The following TRAPPC9 variants were observed in gnomAD, a reference collection of about 807,000 sequenced individuals.
TRAPPC9 encodes the protein trafficking protein particle complex subunit 9.
Under a neutral mutation model 124.0 loss-of-function variants are expected in TRAPPC9, and 83 were observed. The observed-to-expected ratio is 0.67, with a 90% CI of 0.56 to 0.80. TRAPPC9 has a LOEUF of 0.80. Among genes scored for constraint, TRAPPC9 ranks in the 30% least tolerant of loss-of-function variants. The pLI, the probability that TRAPPC9 is intolerant of heterozygous loss-of-function variation, is 0.00. For missense variants in TRAPPC9, 1,302 were observed against 1,508.3 expected (o/e 0.86, Z 2.27); for synonymous variants, 638 against 617.5 (o/e 1.03, Z -0.49).
At chr8:140,358,094 T>A (rs1395913888) in intron 9 of TRAPPC9, among the ~76,000 whole-genome samples, 2 of 152,152 alleles carry the variant, frequency 1.3e-5, no homozygotes, top group African/African-American at 4.8e-5. Flanking sequence ...CTCTTAGAGA[T>A]GGCCGTGGAA....
intron 8 of TRAPPC9, among the ~76,000 whole-genome samples, chr8:140,369,166 G>A (rs371851315): frequency 2.0e-5 from 3 of 152,160 alleles, no homozygotes; most frequent in Non-Finnish European, 2.9e-5. Context: ...CCTGAGAATC[G>A]GATTTGAGGT....
At chr8:140,025,253 C>A (rs1321503647) in intron 17 of TRAPPC9, among the ~76,000 whole-genome samples, 1 of 152,186 alleles carries the variant, frequency 6.6e-6, no homozygotes, top group Non-Finnish European at 1.5e-5. Flanking sequence ...TCCCCAGGAC[C>A]CTCCGGAAGC....
intron 6 of TRAPPC9, among the ~76,000 whole-genome samples, chr8:140,399,430 A>G (rs2069191673): frequency 1.3e-5 from 2 of 152,216 alleles, no homozygotes; most frequent in Non-Finnish European, 2.9e-5. Context: ...GCAAAGCCAC[A>G]GGGGCAGGGT....
intron 18 of TRAPPC9, among the ~76,000 whole-genome samples, chr8:140,005,094 CT>C (rs1838659602): frequency 6.6e-6 from 1 of 152,188 alleles, no homozygotes; most frequent in South Asian, 2.1e-4. Flanking sequence ...GGGTTTTCTG[CT>C]GATGTAACCT....
At position 140,047,338 on chromosome 8, in the gene TRAPPC9, G is replaced by A. The variant is rs200599012; in HGVS notation, c.2557-23259C>T. Among the ~76,000 whole-genome samples the A allele has an allele frequency of 6.6e-5, 10 of 152,206 alleles. No homozygotes were observed. In the East Asian group the frequency reaches 7.7e-4, roughly 12 times the overall value. On this transcript the variant is annotated intron_variant, in intron 17 of 22. Coordinates refer to ENST00000438773, the MANE Select transcript of TRAPPC9 (RefSeq NM_001160372.4). ...GTGCACGGGGGACAGCTCGCATTTC[G>A]GTATGCTAAGAATAGTCCGGGTTGC...
chr8:140,458,004 G>A (rs1172385180), upstream of TRAPPC9, among the ~76,000 whole-genome samples: 1 of 131,340 alleles, frequency 7.6e-6, no homozygotes, highest in Non-Finnish European at 1.7e-5. Context: ...GGACGGGGAG[G>A]GAGGAGGAGG....
intron 16 of TRAPPC9, among the ~76,000 whole-genome samples, chr8:140,246,283 T>C (rs749945612): frequency 2.6e-4 from 39 of 152,216 alleles, no homozygotes; most frequent in African/African-American, 8.4e-4. Flanking sequence ...ATCACCTTCC[T>C]GCTCTGTTTC....
chr8:139,768,132 A>G (rs543343653), intron 21 of TRAPPC9, among the ~76,000 whole-genome samples: 1 of 152,384 alleles, frequency 6.6e-6, no homozygotes, highest in South Asian at 2.1e-4. Flanking sequence ...TTTCTGGAAC[A>G]TTTGCATAAA....
At chr8:140,142,913 G>T (rs1391818796) in intron 17 of TRAPPC9, among the ~76,000 whole-genome samples, 1 of 152,156 alleles carries the variant, frequency 6.6e-6, no homozygotes, top group Non-Finnish European at 1.5e-5. Context: ...TGTCCAACTT[G>T]TGAGTTTTCT....
intron 21 of TRAPPC9, among the ~76,000 whole-genome samples, chr8:139,757,210 G>A (rs1468217150): frequency 9.1e-6 from 1 of 110,254 alleles, no homozygotes; most frequent in East Asian, 3.0e-4. Context: ...AGGAGCCAGG[G>A]TTGGGGATGA....
At chr8:139,763,690 C>T (rs1298710289) in intron 21 of TRAPPC9, among the ~76,000 whole-genome samples, 3 of 152,336 alleles carry the variant, frequency 2.0e-5, no homozygotes, top group East Asian at 1.9e-4. Context: ...ACACACACGT[C>T]GATCATTCAG....
chr8:139,982,549 G>A (rs1836981915), intron 19 of TRAPPC9, among the ~76,000 whole-genome samples: 1 of 152,160 alleles, frequency 6.6e-6, no homozygotes, highest in Non-Finnish European at 1.5e-5. Flanking sequence ...AATGGCCTGG[G>A]GCCCAGGAAA....
At chr8:139,869,680 A>G (rs1244225629) in intron 21 of TRAPPC9, among the ~76,000 whole-genome samples, 1 of 152,262 alleles carries the variant, frequency 6.6e-6, no homozygotes, top group South Asian at 2.1e-4. Context: ...CTTAGCACAA[A>G]GAAAACTTGG....
At chr8:140,380,581 G>A (rs1001900961) in intron 7 of TRAPPC9, among the ~76,000 whole-genome samples, 1 of 150,744 alleles carries the variant, frequency 6.6e-6, no homozygotes. Flanking sequence ...CTTGAACCCG[G>A]GAGGCGGGGG....
rs557895064 is a variant in TRAPPC9 at position 140,203,665 on chromosome 8, C to T, written c.2556+17794G>A. 3.9e-5 allele frequency among the ~76,000 whole-genome samples: 6 copies of T among 152,264 alleles called. 1 individual carries two copies. The highest frequency in any genetic ancestry group is 2.1e-4 in the South Asian group (1 of 4,814). ...TAACAGACAAGCACAAGGTAAATTCCGCAGAAGAGACAGAAGAGACCAGCT... is the reference window on the plus strand; with the variant it reads ...TAACAGACAAGCACAAGGTAAATTCTGCAGAAGAGACAGAAGAGACCAGCT... On this transcript the variant is annotated intron_variant, in intron 17 of 22. Transcript: ENST00000438773.
At chr8:139,906,097 AC>A (rs1377033687) in intron 20 of TRAPPC9, among the ~76,000 whole-genome samples, 1 of 152,086 alleles carries the variant, frequency 6.6e-6, no homozygotes, top group African/African-American at 2.4e-5. Flanking sequence ...GCCTCAAAAA[AC>A]AAAAAACAAC....
chr8:140,192,723 A>G (rs1465085263), intron 17 of TRAPPC9, among the ~76,000 whole-genome samples: 1 of 152,206 alleles, frequency 6.6e-6, no homozygotes, highest in Non-Finnish European at 1.5e-5. Flanking sequence ...AAAAACTACT[A>G]GCCACTATTT....
In TRAPPC9 at chr8:140,045,583, C is replaced by T. The variant is rs888207192; in HGVS notation, c.2557-21504G>A. Among the ~76,000 whole-genome samples the T allele has an allele frequency of 4.2e-5, 6 of 143,122 alleles. No individual in the cohort carries two copies. In the East Asian group the frequency reaches 8.4e-4, roughly 20 times the overall value. The allele number at this position is 143,122 out of a possible 152,430, so 93.9% of individuals were successfully genotyped here. A position where few individuals can be genotyped will look rare whatever the true frequency, so the allele number is the denominator to read the frequency against. On this transcript the variant is annotated intron_variant, in intron 17 of 22. Transcript: ENST00000438773. The stretch of plus-strand genomic sequence containing the variant: ...CGGAGGTTGTAGCGACCTGAGATCG[C>T]GCCACTGCACTCCAGCCTGGGAGAC...
intron 21 of TRAPPC9, among the ~76,000 whole-genome samples, chr8:139,798,386 T>C (rs1400292189): frequency 6.6e-6 from 1 of 152,216 alleles, no homozygotes. Context: ...AACAGAGCTG[T>C]GATTTAGAAA....
Sources: allele counts gnomAD v4.1 joint callset (sites outside exome capture counted in the v4.1 genomes callset), GRCh38; gene constraint gnomAD v4.1.1; transcripts MANE v1.5; gene names NCBI Gene and HGNC (gene_info 2026-07-23, HGNC 2026-07-21).